Variants in SPOP observed in about 807,000 individuals in gnomAD.
The protein encoded by SPOP is speckle-type POZ protein.
Under a neutral mutation model 45.6 loss-of-function variants are expected in SPOP, and 11 were observed. The observed-to-expected ratio is 0.24, with a 90% confidence interval of 0.15 to 0.40. SPOP has a LOEUF of 0.40. Ranked by LOEUF, SPOP falls within the 10% of genes least tolerant of loss-of-function variation. SPOP has a pLI of 1.00. For synonymous variants in SPOP, 166 were observed against 166.3 expected (o/e 1.00, Z 0.01); for missense variants, 152 against 465.6 (o/e 0.33, Z 6.20).
intron 1 of SPOP, among the ~76,000 whole-genome samples, chr17:49,638,012 T>A (rs1233587666): frequency 6.6e-6 from 1 of 152,198 alleles, no homozygotes; most frequent in Non-Finnish European, 1.5e-5. Context: ...TGCCTGGCCC[T>A]ATGGTTTTAA....
intron 1 of SPOP, among the ~76,000 whole-genome samples, chr17:49,629,243 A>T (rs957113889): frequency 5.3e-5 from 8 of 152,172 alleles, no homozygotes; most frequent in Admixed American, 5.2e-4. Context: ...CTATCTCAAA[A>T]AAAAAAATAA....
In SPOP at chr17:49,599,707, C is replaced by T. The variant is rs1042349201; in HGVS notation, c.*671G>A. The T allele has an allele frequency of 4.8e-6, 1 of 206,656 alleles. No individual in the cohort carries two copies. The highest frequency in any genetic ancestry group is 2.3e-5 in the African/African-American group (1 of 43,882). The allele number at this position is 206,656 out of a possible 1,614,324, so 12.8% of individuals were successfully genotyped here. On this transcript the variant is annotated 3_prime_UTR_variant, in exon 10 of 10. Coordinates refer to ENST00000504102, the MANE Select transcript of SPOP (RefSeq NM_001007228.2). ...TTGCAAAAGCCACCACATCAGAACA[C>T]TCATCTTCCAGATCAAATAACCTTC...
intron 1 of SPOP, among the ~76,000 whole-genome samples, chr17:49,635,632 C>CTTTTT (rs11451249): frequency 4.1e-5 from 5 of 121,640 alleles, no homozygotes; most frequent in Non-Finnish European, 6.8e-5. Flanking sequence ...AGGTATCTCT[C>CTTTTT]TTTTTTTTTT....
chr17:49,617,688 C>A (rs1032195555), intron 5 of SPOP, among the ~76,000 whole-genome samples: 3 of 152,080 alleles, frequency 2.0e-5, no homozygotes, highest in African/African-American at 7.2e-5. Flanking sequence ...CTTTGGCAGG[C>A]TGAGGCAGGC....
At chr17:49,645,878 T>G (rs1272081848) in intron 1 of SPOP, among the ~76,000 whole-genome samples, 2 of 152,142 alleles carry the variant, frequency 1.3e-5, no homozygotes, top group African/African-American at 4.8e-5. Context: ...TGTTGTTGTT[T>G]TTTTTTCCTT....
chr17:49,642,737 T>A (rs1383421051), intron 1 of SPOP, among the ~76,000 whole-genome samples: 2 of 152,234 alleles, frequency 1.3e-5, no homozygotes, highest in African/African-American at 4.8e-5. Flanking sequence ...ATAGGAACAT[T>A]TCTCTGTAGC....
chr17:49,654,835 T>C (rs991752260), intron 1 of SPOP, among the ~76,000 whole-genome samples: 4 of 152,210 alleles, frequency 2.6e-5, no homozygotes. Context: ...GTTTATTTTG[T>C]CAACTGTTAG....
Position 49,607,659 on chromosome 17 carries a change from A to C in SPOP, c.714+215T>G, listed in dbSNP as rs551185576. On this transcript the variant is annotated intron_variant, in intron 7 of 9. Coordinates refer to ENST00000504102, the MANE Select transcript of SPOP (RefSeq NM_001007228.2). ...ATATATGTCTAAATACCCTCACCCAAAACTGTGTGGATGATCAGCCTCATT... is the reference window on the plus strand; with the variant it reads ...ATATATGTCTAAATACCCTCACCCACAACTGTGTGGATGATCAGCCTCATT... Among the ~76,000 whole-genome samples the C allele has an allele frequency of 7.2e-5, 11 of 152,190 alleles. No individual in the cohort carries two copies. In the Middle Eastern group the frequency reaches 0.01, roughly 141 times the overall value.
At chr17:49,603,715 G>A (rs181025503) in intron 8 of SPOP, among the ~76,000 whole-genome samples, 110 of 152,300 alleles carry the variant, frequency 7.2e-4, no homozygotes, top group African/African-American at 2.5e-3. Flanking sequence ...AGGTAAAAAC[G>A]TTTTCAAATA....
At chr17:49,621,195 G>A (rs1369785897) in intron 3 of SPOP, among the ~76,000 whole-genome samples, 1 of 152,158 alleles carries the variant, frequency 6.6e-6, no homozygotes, top group African/African-American at 2.4e-5. Flanking sequence ...GAATGCAAAC[G>A]TAAAACAATT....
At chr17:49,641,204 A>C (rs2072641457) in intron 1 of SPOP, among the ~76,000 whole-genome samples, 1 of 136,714 alleles carries the variant, frequency 7.3e-6, no homozygotes, top group Non-Finnish European at 1.5e-5. Flanking sequence ...TGGAGGTTGC[A>C]GTGAGCAGAG....
chr17:49,677,837 G>T, intron 1 of SPOP, 96 bp downstream of exon 1: 1 of 393,392 alleles, frequency 2.5e-6, no homozygotes, highest in African/African-American at 2.1e-5. Context: ...GGCGGGGGGT[G>T]GGGGGACAGT....
At chr17:49,617,672 C>T (rs999018892) in intron 5 of SPOP, among the ~76,000 whole-genome samples, 12 of 152,016 alleles carry the variant, frequency 7.9e-5, no homozygotes, top group African/African-American at 2.9e-4. Flanking sequence ...ATCTGTAATC[C>T]CAACACTTTG....
At chr17:49,655,363 T>A (rs1015782376) in intron 1 of SPOP, among the ~76,000 whole-genome samples, 3 of 151,926 alleles carry the variant, frequency 2.0e-5, no homozygotes, top group African/African-American at 7.3e-5. Flanking sequence ...TACAAAAAAT[T>A]AGCCTGGCGT....
At position 49,611,130 on chromosome 17, in the gene SPOP, C is replaced by G. The variant is rs1048542255; in HGVS notation, c.658+150G>C. The G allele has an allele frequency of 1.2e-5, 10 of 859,162 alleles. No individual in the cohort carries two copies. The African/African-American group carries it at 1.5e-4, about 13-fold the overall frequency. 53.2% of individuals were successfully genotyped at this position (859,162 alleles called of 1,614,324 possible). On this transcript the variant is annotated intron_variant, in intron 6 of 9. Coordinates refer to ENST00000504102, the MANE Select transcript of SPOP (RefSeq NM_001007228.2). ...AGAGAGCAGCTTTTTTGGTTCTGAG[C>G]ATTGTTACCGGAATACAAAGATATA...
intron 1 of SPOP, among the ~76,000 whole-genome samples, chr17:49,626,940 C>T (rs1440378797): frequency 1.3e-5 from 2 of 152,108 alleles, no homozygotes; most frequent in African/African-American, 4.8e-5. Flanking sequence ...AGCTCCGCCT[C>T]CCGGGTTCAT....
intron 1 of SPOP, among the ~76,000 whole-genome samples, chr17:49,665,405 G>A (rs2073040479): frequency 6.6e-6 from 1 of 151,534 alleles, no homozygotes; most frequent in African/African-American, 2.4e-5. Context: ...ATGAGGTCAG[G>A]AGATCAAGAT....
rs113925218 is a variant in SPOP at position 49,600,174 on chromosome 17, A to G, written c.*204T>C. 1.2e-3 allele frequency: 808 copies of G among 698,398 alleles called. 4 individuals carry two copies. The African/African-American group carries it at 0.012, about 11-fold the overall frequency. 43.3% of individuals were successfully genotyped at this position (698,398 alleles called of 1,614,324 possible). On this transcript the variant is annotated 3_prime_UTR_variant, in exon 10 of 10. Transcript: ENST00000504102. This position sits in a 1 kb window ranked among gnomAD's most constrained non-coding sequence, Gnocchi z 4.2. ...GCCAAAGGGAACACAGTGACGCAGC[A>G]ACAGGGTTTTCATTTCATTTTCCCT... is the stretch of plus-strand genomic sequence containing the variant.
chr17:49,639,733 A>T (rs909497600), intron 1 of SPOP, among the ~76,000 whole-genome samples: 13 of 152,230 alleles, frequency 8.5e-5, no homozygotes, highest in Admixed American at 3.9e-4. Context: ...TGGTAAAATC[A>T]TAAAGAAAAA....
Sources: gnomAD v4.1 joint callset for allele counts (sites outside exome capture counted in the v4.1 genomes callset) on GRCh38, gnomAD v4.1.1 for gene constraint, Gnocchi (gnomAD v3.1) non-coding constraint, MANE v1.5 for transcripts, NCBI Gene and HGNC (gene_info 2026-07-23, HGNC 2026-07-21) for gene names.